Variants in KNSTRN observed in about 807,000 individuals in gnomAD.
KNSTRN encodes kinetochore localized astrin (SPAG5) binding protein, also known as small kinetochore-associated protein.
A neutral mutation model predicts 44.7 loss-of-function variants in KNSTRN; 38 were observed. The observed-to-expected ratio is 0.85, with a 90% CI of 0.66 to 1.11. KNSTRN has a LOEUF of 1.11. Ranked by LOEUF, KNSTRN falls within the 50% of genes most tolerant of loss-of-function variation. The pLI is 0.00. For synonymous variants in KNSTRN, 158 were observed against 148.1 expected (o/e 1.07, Z -0.48); for missense variants, 406 against 375.8 (o/e 1.08, Z -0.66).
In KNSTRN at chr15:40,393,692, C is replaced by A; in HGVS notation, c.*95C>A. 1 of 1,141,950 alleles carries A rather than the reference C, an allele frequency of 8.8e-7. No homozygotes were observed. Among genetic ancestry groups the A allele is most frequent in the South Asian group, 1.5e-5 (1 of 68,108 alleles). 70.7% of individuals were successfully genotyped at this position (1,141,950 alleles called of 1,614,324 possible). The stretch of plus-strand genomic sequence containing the variant: ...CTTGGCCATGATCTTCTGGGACTCA[C>A]CATCTCCAGAATGAAAACAATTTCT... On this transcript the variant is annotated 3_prime_UTR_variant, in exon 9 of 9. Transcript: ENST00000249776.
At chr15:40,391,263 C>T (rs1306287886) in intron 6 of KNSTRN, among the ~76,000 whole-genome samples, 1 of 152,012 alleles carries the variant, frequency 6.6e-6, no homozygotes, top group Non-Finnish European at 1.5e-5. Context: ...GAAAGTATAC[C>T]GAATTTTTGG....
chr15:40,390,309 T>G (rs1333673201), intron 6 of KNSTRN, among the ~76,000 whole-genome samples: 2 of 152,244 alleles, frequency 1.3e-5, no homozygotes, highest in African/African-American at 4.8e-5. Context: ...TTGAACATGC[T>G]CTTCCTTTCA....
chr15:40,384,542 C>T (rs1229577926), intron 2 of KNSTRN: 3 of 453,936 alleles, frequency 6.6e-6, no homozygotes, highest in African/African-American at 2.0e-5. Context: ...CTGTGTCTTT[C>T]CCTTAGATGC....
Position 40,382,983 on chromosome 15 carries a change from G to A in KNSTRN, c.148G>A (p.Ala50Thr), listed in dbSNP as rs762955185. ...AADLAGGTTV[A>T]AGNLLNESEK... ...CGACTTAGCCGGTGGCACGACAGTTGCTGCAGGGAATCTTTTAAACGAGAG... is the reference window on the plus strand; with the variant it reads ...CGACTTAGCCGGTGGCACGACAGTTACTGCAGGGAATCTTTTAAACGAGAG... Residue 50 changes from alanine (A) to threonine (T), a missense_variant, in exon 1 of 9, where the codon GCT (alanine) becomes ACT (threonine). Transcript: ENST00000249776. 75 of 1,612,056 alleles carry A rather than the reference G, an allele frequency of 4.7e-5. No homozygotes were observed. Among genetic ancestry groups the A allele is most frequent in the Non-Finnish European group, 6.1e-5 (72 of 1,180,042 alleles).
rs1333856165 is a variant in KNSTRN at position 40,393,693 on chromosome 15, C to T, written c.*96C>T. On this transcript the variant is annotated 3_prime_UTR_variant, in exon 9 of 9. Transcript: ENST00000249776. Reference sequence around the variant, plus strand: ...TTGGCCATGATCTTCTGGGACTCACCATCTCCAGAATGAAAACAATTTCTA... The same window carrying T: ...TTGGCCATGATCTTCTGGGACTCACTATCTCCAGAATGAAAACAATTTCTA... 1 of 1,137,774 alleles carries T rather than the reference C, an allele frequency of 8.8e-7. No homozygotes were observed. Among genetic ancestry groups the T allele is most frequent in the Non-Finnish European group, 1.3e-6 (1 of 793,650 alleles). 70.5% of individuals were successfully genotyped at this position (1,137,774 alleles called of 1,614,324 possible). A position where few individuals can be genotyped will look rare whatever the true frequency, so the allele number is the denominator to read the frequency against.
chr15:40,384,339 A>C (rs928572567), intron 2 of KNSTRN: 10 of 387,850 alleles, frequency 2.6e-5, no homozygotes, highest in South Asian at 7.3e-5. Context: ...GCGCCACTGC[A>C]CTCCAGCCTG....
rs1404177168 is a variant in KNSTRN at position 40,392,121 on chromosome 15, A to G, written c.822+98A>G. On this transcript the variant is annotated intron_variant, in intron 8 of 8. Coordinates refer to ENST00000249776, the MANE Select transcript of KNSTRN (RefSeq NM_033286.4). The stretch of plus-strand genomic sequence containing the variant: ...TCTATTTATTTTTAATAAACTTTCT[A>G]AATAATTTTAGATTTATAGGAAAGT... 2.6e-5 allele frequency: 19 copies of G among 734,016 alleles called. No individual in the cohort carries two copies. In the South Asian group the frequency reaches 4.1e-4, roughly 16 times the overall value. 45.5% of individuals were successfully genotyped at this position (734,016 alleles called of 1,614,324 possible).
At chr15:40,387,030 A>T in intron 3 of KNSTRN, 129 bp from the exon 4 acceptor site, 1 of 727,018 alleles carries the variant, frequency 1.4e-6, no homozygotes, top group Admixed American at 2.0e-5. Flanking sequence ...CAGAGCTCTT[A>T]AGCTTGTGCC....
At chr15:40,383,156 C>G in intron 1 of KNSTRN, 72 bp from the exon 2 acceptor site, 1 of 1,581,012 alleles carries the variant, frequency 6.3e-7, no homozygotes, top group Admixed American at 1.7e-5. Context: ...TCGGGTCGCG[C>G]TATCCCCGGG....
In KNSTRN at chr15:40,393,778, C is replaced by T; in HGVS notation, c.*181C>T. 3 of 527,328 alleles carry T rather than the reference C, an allele frequency of 5.7e-6. No homozygotes were observed. In the South Asian group the frequency reaches 6.7e-5, roughly 12 times the overall value. 32.7% of individuals were successfully genotyped at this position (527,328 alleles called of 1,614,324 possible). ...AATTCCTCATTTAAGCAAGTTTTCC[C>T]AACCTTCAGGTTGGTCAGCCCTCCT... On this transcript the variant is annotated 3_prime_UTR_variant, in exon 9 of 9. Coordinates refer to ENST00000249776, the MANE Select transcript of KNSTRN (RefSeq NM_033286.4).
intron 5 of KNSTRN, 84 bp from the exon 6 acceptor site, chr15:40,389,752 G>T: frequency 1.4e-6 from 2 of 1,428,530 alleles, no homozygotes; most frequent in South Asian, 2.3e-5. Flanking sequence ...TTTTGCTATG[G>T]CTGTCCAAGA....
chr15:40,382,847 C>T lies in KNSTRN; in HGVS notation c.12C>T (p.Pro4=), dbSNP rs753030579. MAA[P]EAPPLDRVFR... ...ACCTTCCGTACAGTATGGCGGCTCC[C>T]GAAGCCCCGCCCCTGGACAGAGTTT... The change falls in exon 1 of 9, where the codon CCC becomes CCT. Residue 4 remains proline (P), a synonymous_variant. Coordinates refer to ENST00000249776, the MANE Select transcript of KNSTRN (RefSeq NM_033286.4). 1.9e-6 allele frequency: 3 copies of T among 1,610,106 alleles called. No individual in the cohort carries two copies. The highest frequency in any genetic ancestry group is 2.2e-5 in the East Asian group (1 of 44,822).
intron 2 of KNSTRN, among the ~76,000 whole-genome samples, chr15:40,386,011 G>A (rs535479766): frequency 9.8e-5 from 15 of 152,362 alleles, no homozygotes; most frequent in Admixed American, 3.3e-4. Context: ...CAAGGCAGGA[G>A]GATTGCTTGA....
intron 2 of KNSTRN, 34 bp downstream of exon 2, chr15:40,383,356 C>A: frequency 1.9e-6 from 3 of 1,544,900 alleles, no homozygotes; most frequent in South Asian, 2.2e-5. Context: ...GGCACTGCGG[C>A]CTGGCCGGGG....
At chr15:40,387,818 G>A (rs1394860384) in intron 4 of KNSTRN, among the ~76,000 whole-genome samples, 1 of 152,032 alleles carries the variant, frequency 6.6e-6, no homozygotes, top group Non-Finnish European at 1.5e-5. Context: ...GTCTAGCCTG[G>A]GAAACATGAT....
In KNSTRN at chr15:40,389,573, G is replaced by A. The variant is rs779056796; in HGVS notation, c.553G>A (p.Val185Ile). The A allele has an allele frequency of 5.0e-5, 80 of 1,613,954 alleles. No individual in the cohort carries two copies. Among genetic ancestry groups the A allele is most frequent in the East Asian group, 8.9e-5 (4 of 44,902 alleles). The change falls in exon 5 of 9, where the codon GTC (valine) becomes ATC (isoleucine). Residue 185 changes from valine (V) to isoleucine (I), a missense_variant. By Grantham distance (29) the Val-to-Ile change is conservative (BLOSUM62 3). Coordinates refer to ENST00000249776, the MANE Select transcript of KNSTRN (RefSeq NM_033286.4). ...LKDKNQLLEA[V>I]NKQLHQKLTE... ...GGACAAGAACCAGCTGTTAGAAGCCGTCAACAAGCAGTTGCACCAGAAGTT... is the reference window on the plus strand; with the variant it reads ...GGACAAGAACCAGCTGTTAGAAGCCATCAACAAGCAGTTGCACCAGAAGTT...
In KNSTRN at chr15:40,389,851, C is replaced by G; in HGVS notation, c.607C>G (p.Leu203Val). Residue 203 changes from leucine to valine, a missense_variant, in exon 6 of 9, where the codon CTG (leucine) becomes GTG (valine). Leu to Val is a conservative substitution (Grantham distance 32). Transcript: ENST00000249776. ...GCTCCAATAGGGAGAGCTGAAGGAC[C>G]TGACCCAGAAGGTAGAGCTGCTGGA... ...LTETQGELKD[L>V]TQKVELLEKF... The G allele has an allele frequency of 1.2e-6, 2 of 1,614,190 alleles. No homozygotes were observed.
chr15:40,386,383 C>A lies in KNSTRN; in HGVS notation c.326C>A (p.Ser109Tyr). 6.2e-7 allele frequency: 1 copy of A among 1,614,092 alleles called. No individual in the cohort carries two copies. Among genetic ancestry groups the A allele is most frequent in the South Asian group, 1.1e-5 (1 of 91,058 alleles). Reference protein sequence around the residue: ...QPADTQTRATSKSLLPVRSKE... With the variant: ...QPADTQTRATYKSLLPVRSKE... ...GCAGACACACAAACTCGGGCCACTT[C>A]TAAGAGTCTCTTACCTGTTAGGTCC... The change falls in exon 3 of 9, where the codon TCT becomes TAT. Residue 109 changes from serine (S) to tyrosine (Y), a missense_variant. Coordinates refer to ENST00000249776, the MANE Select transcript of KNSTRN (RefSeq NM_033286.4).
rs1291768392 is a variant in KNSTRN at position 40,393,807 on chromosome 15, C to G, written c.*210C>G. On this transcript the variant is annotated 3_prime_UTR_variant, in exon 9 of 9. Coordinates refer to ENST00000249776, the MANE Select transcript of KNSTRN (RefSeq NM_033286.4). ...CTTCAGGTTGGTCAGCCCTCCTGAG[C>G]CTCACAGGTGGATAATTGAGGCCTA... 6.7e-5 allele frequency: 27 copies of G among 402,840 alleles called. No individual in the cohort carries two copies. In the Admixed American group the frequency reaches 1.2e-3, roughly 17 times the overall value. 25.0% of individuals were successfully genotyped at this position (402,840 alleles called of 1,614,324 possible).
Sources: allele counts gnomAD v4.1 joint callset (sites outside exome capture counted in the v4.1 genomes callset), GRCh38; gene constraint gnomAD v4.1.1; transcripts MANE v1.5; gene names NCBI Gene and HGNC (gene_info 2026-07-23, HGNC 2026-07-21).